The following SORT1 variants were observed in gnomAD, a reference collection of about 807,000 sequenced individuals.
The protein encoded by SORT1 is sortilin 1.
SORT1 carries 39 observed loss-of-function variants against 101.7 expected under a neutral mutation model. The observed-to-expected ratio is 0.38, with a 90% CI of 0.30 to 0.50. SORT1 has a LOEUF of 0.50. Among genes scored for constraint, SORT1 ranks in the 20% least tolerant of loss-of-function variants. The probability of loss-of-function intolerance (pLI) is 0.90; values close to 1 mark genes in which losing one functional copy is unlikely to be tolerated. For missense variants in SORT1, 878 were observed against 1,040.4 expected, an observed-to-expected ratio of 0.84 and a Z score of 2.15; for synonymous variants, 396 against 393.7, an observed-to-expected ratio of 1.01 and a Z score of -0.07.
At position 109,391,676 on chromosome 1, in the gene SORT1, A is replaced by G. The variant is rs145571622; in HGVS notation, c.306+5911T>C. On this transcript the variant is annotated intron_variant, in intron 1 of 19. Coordinates refer to ENST00000256637, the MANE Select transcript of SORT1 (RefSeq NM_002959.7). ...TAGGTATGAGGAATCTGTCATGAAC[A>G]TTCATTCAACCAAACTATCTCAAAG... 1.5e-3 allele frequency among the ~76,000 whole-genome samples: 225 copies of G among 152,316 alleles called. 2 individuals carry two copies. The highest frequency in any genetic ancestry group is 2.7e-3 in the Non-Finnish European group (182 of 68,024).
At chr1:109,330,303 T>C (rs1648376522) in intron 11 of SORT1, among the ~76,000 whole-genome samples, 1 of 152,216 alleles carries the variant, frequency 6.6e-6, no homozygotes, top group Non-Finnish European at 1.5e-5. Flanking sequence ...TCAAGTTCTT[T>C]TCAACTACAA....
At chr1:109,390,381 C>A (rs1311204966) in intron 1 of SORT1, among the ~76,000 whole-genome samples, 1 of 152,142 alleles carries the variant, frequency 6.6e-6, no homozygotes, top group Admixed American at 6.5e-5. Flanking sequence ...TTACCTTTAA[C>A]AAAACACGTT....
At position 109,327,479 on chromosome 1, in the gene SORT1, G is replaced by T. The variant is rs748576379; in HGVS notation, c.1474+20C>A. On this transcript the variant is annotated intron_variant, in intron 12 of 19. Transcript: ENST00000256637. ...TCAGCCACTGTTCCAGTTGGAGGTG[G>T]TGAGTGGGAGGTTCCTTACCATGAG... 3.4e-6 allele frequency: 5 copies of T among 1,467,816 alleles called. No homozygotes were observed. The African/African-American group carries it at 4.2e-5, about 12-fold the overall frequency. The allele number at this position is 1,467,816 out of a possible 1,614,324, so 90.9% of individuals were successfully genotyped here. A position where few individuals can be genotyped will look rare whatever the true frequency, so the allele number is the denominator to read the frequency against.
intron 1 of SORT1, among the ~76,000 whole-genome samples, chr1:109,372,058 C>T (rs1651511412): frequency 6.6e-6 from 1 of 151,916 alleles, no homozygotes; most frequent in Non-Finnish European, 1.5e-5. Context: ...AGCTAGGGAC[C>T]CAAGAGTACA....
At chr1:109,331,203 G>C (rs1162931540) in intron 11 of SORT1, among the ~76,000 whole-genome samples, 1 of 152,140 alleles carries the variant, frequency 6.6e-6, no homozygotes, top group East Asian at 1.9e-4. Flanking sequence ...GATGAACATA[G>C]ATGCAAAAAT....
At chr1:109,322,896 G>A (rs1406801964) in intron 15 of SORT1, 36 bp downstream of exon 15, 4 of 1,554,036 alleles carry the variant, frequency 2.6e-6, no homozygotes, top group Non-Finnish European at 3.5e-6. Flanking sequence ...CTCCAACAGG[G>A]AAAGGGAGAC....
chr1:109,386,287 A>T (rs777888397), intron 1 of SORT1, among the ~76,000 whole-genome samples: 1 of 152,224 alleles, frequency 6.6e-6, no homozygotes, highest in African/African-American at 2.4e-5. Flanking sequence ...CCCTACCTTT[A>T]AGGAGTTTAT....
rs1557791804 is a variant in SORT1 at position 109,336,275 on chromosome 1, T to C, written c.1336A>G (p.Ser446Gly). The change falls in exon 11 of 20, where the codon AGT (serine) becomes GGT (glycine). Residue 446 changes from serine (S) to glycine (G), a missense_variant. Coordinates refer to ENST00000256637, the MANE Select transcript of SORT1 (RefSeq NM_002959.7). The stretch of plus-strand genomic sequence containing the variant: ...TTTTTTGCTGTAGCATCACATTCAC[T>C]GTTTTCAGGCTTCCTCAGGTGCGTC... ...RWTHLRKPEN[S>G]ECDATAKNKN... The C allele has an allele frequency of 6.2e-7, 1 of 1,613,534 alleles. No individual in the cohort carries two copies. The highest frequency in any genetic ancestry group is 8.5e-7 in the Non-Finnish European group (1 of 1,179,370).
At chr1:109,327,684 A>C in intron 11 of SORT1, 83 bp from the exon 12 acceptor site, 1 of 891,832 alleles carries the variant, frequency 1.1e-6, no homozygotes, top group Non-Finnish European at 1.7e-6. Context: ...CCTTCCAATA[A>C]AGCTTTAAGT....
chr1:109,322,031 C>T (rs569782847), intron 15 of SORT1, among the ~76,000 whole-genome samples: 2 of 152,248 alleles, frequency 1.3e-5, no homozygotes, highest in East Asian at 3.9e-4. Flanking sequence ...TGCCTTGATT[C>T]TTGCAGAGGA....
At chr1:109,326,879 T>C in intron 13 of SORT1, 113 bp downstream of exon 13, 1 of 745,328 alleles carries the variant, frequency 1.3e-6, no homozygotes, top group Non-Finnish European at 2.1e-6. Flanking sequence ...TCTATAGTTC[T>C]GTCAAATGCA....
intron 8 of SORT1, among the ~76,000 whole-genome samples, chr1:109,342,747 G>C (rs763877339): frequency 1.4e-4 from 21 of 151,992 alleles, no homozygotes; most frequent in Non-Finnish European, 3.1e-4. Context: ...AAGGAGAGTC[G>C]GAAATTACTA....
At chr1:109,336,605 T>C (rs1570915307) in intron 10 of SORT1, among the ~76,000 whole-genome samples, 1 of 152,010 alleles carries the variant, frequency 6.6e-6, no homozygotes, top group African/African-American at 2.4e-5. Context: ...GTCAGGAGTT[T>C]GAGACCAGCC....
At chr1:109,392,492 C>G (rs1408360531) in intron 1 of SORT1, 1 of 433,876 alleles carries the variant, frequency 2.3e-6, no homozygotes, top group African/African-American at 2.1e-5. Flanking sequence ...AGAACATAAG[C>G]CTTCTTCCAA....
intron 5 of SORT1, 25 bp downstream of exon 5, chr1:109,354,342 A>G: frequency 1.3e-6 from 2 of 1,597,556 alleles, no homozygotes; most frequent in Non-Finnish European, 1.7e-6. Flanking sequence ...GCAAAAGGCA[A>G]ACCATGTTCC....
intron 1 of SORT1, among the ~76,000 whole-genome samples, chr1:109,370,973 TTTTG>T (rs1651451549): frequency 1.3e-5 from 2 of 152,310 alleles, no homozygotes; most frequent in South Asian, 4.1e-4. Context: ...ACATGAACTG[TTTTG>T]TTTATCTTCG....
intron 3 of SORT1, among the ~76,000 whole-genome samples, chr1:109,359,498 T>A (rs1650569835): frequency 6.6e-6 from 1 of 152,068 alleles, no homozygotes; most frequent in Admixed American, 6.5e-5. Flanking sequence ...AAAGCCTTTT[T>A]ATTTTATTTT....
At chr1:109,331,989 G>A (rs1451520683) in intron 11 of SORT1, among the ~76,000 whole-genome samples, 3 of 148,256 alleles carry the variant, frequency 2.0e-5, no homozygotes, top group Non-Finnish European at 4.5e-5. Flanking sequence ...AACCAAGGAG[G>A]TGAAAGACTA....
At chr1:109,352,130 T>C (rs72981168) in intron 5 of SORT1, among the ~76,000 whole-genome samples, 3,628 of 151,766 alleles carry the variant, frequency 0.024, 153 homozygotes, top group African/African-American at 0.083. Context: ...GAGAGAAGAG[T>C]AGGGAGGAAG....
Sources: gnomAD v4.1 joint callset for allele counts (sites outside exome capture counted in the v4.1 genomes callset) on GRCh38, gnomAD v4.1.1 for gene constraint, MANE v1.5 for transcripts, NCBI Gene and HGNC (gene_info 2026-07-23, HGNC 2026-07-21) for gene names.